The following COL6A3 variants were observed in gnomAD, a reference collection of about 807,000 sequenced individuals.
COL6A3 encodes the protein collagen type VI alpha 3 chain.
COL6A3 carries 137 observed loss-of-function variants against 274.1 expected under a neutral mutation model. The ratio of observed to expected loss-of-function variants is 0.50; its 90% CI spans 0.44 to 0.58. COL6A3 has a LOEUF of 0.58. Among genes scored for constraint, COL6A3 ranks in the 20% least tolerant of loss-of-function variants. COL6A3 has a pLI of 0.00. For synonymous variants in COL6A3, 1,650 were observed against 1,650.6 expected (o/e 1.00, Z 0.01); for missense variants, 3,950 against 4,124.9 (o/e 0.96, Z 1.16).
At chr2:237,377,429 C>G in intron 6 of COL6A3, 85 bp from the exon 7 acceptor site, 1 of 1,373,884 alleles carries the variant, frequency 7.3e-7, no homozygotes, top group East Asian at 2.3e-5. Flanking sequence ...CATTTGACAA[C>G]AGGAGTTGGT....
intron 1 of COL6A3, among the ~76,000 whole-genome samples, chr2:237,399,789 G>A (rs760182202): frequency 5.3e-5 from 8 of 152,188 alleles, no homozygotes; most frequent in Non-Finnish European, 1.2e-4. Flanking sequence ...CCTCCACTGA[G>A]CCCAGATCAC....
intron 1 of COL6A3, among the ~76,000 whole-genome samples, chr2:237,408,161 C>T (rs904376299): frequency 1.3e-5 from 2 of 152,114 alleles, no homozygotes; most frequent in African/African-American, 4.8e-5. Context: ...AAACAGAAAC[C>T]TTTTCAAAAA....
chr2:237,406,604 G>C (rs2078725820), intron 1 of COL6A3, among the ~76,000 whole-genome samples: 1 of 151,320 alleles, frequency 6.6e-6, no homozygotes, highest in African/African-American at 2.4e-5. Flanking sequence ...TAGACTGCAA[G>C]AAGGAGCGCC....
Position 237,378,982 on chromosome 2 carries a change from C to G in COL6A3, c.2151G>C (p.Leu717=), listed in dbSNP as rs757017380. Residue 717 remains leucine, a synonymous_variant, in exon 6 of 44, where the codon CTG becomes CTC. Coordinates refer to ENST00000295550, the MANE Select transcript of COL6A3 (RefSeq NM_004369.4). ...RQLQLQGGSG[L]NTGSALSYVY... is the part of the protein sequence containing the mutation. ...CATAGCTTAGGGCTGAGCCTGTGTT[C>G]AGGCCCGAACCTCCCTGGAGCTGCA... is the stretch of plus-strand genomic sequence containing the variant. 2 of 1,614,180 alleles carry G rather than the reference C, an allele frequency of 1.2e-6. No individual in the cohort carries two copies. Among genetic ancestry groups the G allele is most frequent in the East Asian group, 2.2e-5 (1 of 44,874 alleles).
chr2:237,381,446 G>A lies in COL6A3; in HGVS notation c.1366C>T (p.Leu456=), dbSNP rs1242540495. 6.2e-7 allele frequency: 1 copy of A among 1,610,032 alleles called. No homozygotes were observed. The highest frequency in any genetic ancestry group is 1.7e-5 in the Admixed American group (1 of 60,028). ...ATGGCATTGAAGTTGGCCAGTCCCA[G>A]TGCAGATGAGCCATCCACCAGGAAG... ...IVFLVDGSSA[L]GLANFNAIRD... Residue 456 remains leucine, a synonymous_variant, in exon 5 of 44, where the codon CTG becomes TTG. Coordinates refer to ENST00000295550, the MANE Select transcript of COL6A3 (RefSeq NM_004369.4).
chr2:237,366,568 A>G, intron 11 of COL6A3, 119 bp downstream of exon 11: 1 of 1,490,230 alleles, frequency 6.7e-7, no homozygotes, highest in Non-Finnish European at 9.4e-7. Context: ...GGGTATAAGT[A>G]AATGTATGAA....
intron 1 of COL6A3, among the ~76,000 whole-genome samples, chr2:237,402,549 A>G (rs756851869): frequency 8.5e-5 from 13 of 152,184 alleles, no homozygotes; most frequent in African/African-American, 2.7e-4. Context: ...CTAGGAAAAA[A>G]CAGTACAACT....
At chr2:237,378,525 G>T (rs1231193697) in intron 6 of COL6A3, 111 bp downstream of exon 6, 3 of 1,492,404 alleles carry the variant, frequency 2.0e-6, no homozygotes, top group East Asian at 4.6e-5. Context: ...ATGGAAGGGA[G>T]CCAATTGTCT....
intron 37 of COL6A3, 34 bp downstream of exon 37, chr2:237,342,031 C>T: frequency 6.4e-7 from 1 of 1,567,034 alleles, no homozygotes; most frequent in Non-Finnish European, 8.8e-7. Context: ...GCAATTGCAG[C>T]TGAGCAGATC....
intron 8 of COL6A3, 128 bp from the exon 9 acceptor site, chr2:237,372,465 T>A (rs1478151071): frequency 6.4e-7 from 1 of 1,563,270 alleles, no homozygotes; most frequent in African/African-American, 1.4e-5. Context: ...CTGTTAAAAG[T>A]CCAAGAAGTG....
At chr2:237,363,144 C>CG (rs1491434249) in intron 14 of COL6A3, 109 bp downstream of exon 14, 2 of 131,974 alleles carry the variant, frequency 1.5e-5, no homozygotes, top group Non-Finnish European at 2.2e-5. Context: ...TCTACCAAGG[C>CG]CCCCCCCCCA....
chr2:237,411,985 A>T (rs1461338410), intron 1 of COL6A3, among the ~76,000 whole-genome samples: 1 of 152,020 alleles, frequency 6.6e-6, no homozygotes, highest in Non-Finnish European at 1.5e-5. Flanking sequence ...GCCTCACTTC[A>T]CCCCAACATG....
intron 8 of COL6A3, 71 bp from the exon 9 acceptor site, chr2:237,372,408 C>A (rs1446324340): frequency 4.6e-5 from 73 of 1,599,172 alleles, no homozygotes; most frequent in Non-Finnish European, 6.1e-5. Flanking sequence ...AGCCACCGCC[C>A]AGTTTGTCAT....
At chr2:237,345,021 A>C (rs776090115) in intron 34 of COL6A3, 37 bp downstream of exon 34, 141 of 1,614,094 alleles carry the variant, frequency 8.7e-5, no homozygotes, top group Non-Finnish European at 1.2e-4. Flanking sequence ...GAATGTAAAA[A>C]TATGCATTGT....
chr2:237,353,923 T>TCGCTAAG (rs2077260976), intron 24 of COL6A3, among the ~76,000 whole-genome samples: 2 of 151,378 alleles, frequency 1.3e-5, no homozygotes, highest in Admixed American at 1.3e-4. Context: ...AACCCCAAAA[T>TCGCTAAG]CGCTAAGCCA....
intron 28 of COL6A3, among the ~76,000 whole-genome samples, 170 bp downstream of exon 28, chr2:237,349,977 A>C (rs1053406708): frequency 1.3e-5 from 2 of 152,138 alleles, no homozygotes; most frequent in Non-Finnish European, 2.9e-5. Flanking sequence ...CCAATAAAAT[A>C]AAACTTGTTA....
chr2:237,398,884 T>G (rs1473185851), intron 1 of COL6A3, among the ~76,000 whole-genome samples: 1 of 152,224 alleles, frequency 6.6e-6, no homozygotes, highest in Non-Finnish European at 1.5e-5. Flanking sequence ...AACCGCTGTT[T>G]TGGGTGCCAT....
chr2:237,411,851 A>T (rs1316023063), intron 1 of COL6A3, among the ~76,000 whole-genome samples: 2 of 152,182 alleles, frequency 1.3e-5, no homozygotes, highest in Non-Finnish European at 2.9e-5. Flanking sequence ...GGGGTGGAAC[A>T]CGCTCCCTGC....
Position 237,401,748 on chromosome 2 carries a change from G to A in COL6A3, c.-30-4901C>T, listed in dbSNP as rs373725115. 1.9e-4 allele frequency among the ~76,000 whole-genome samples: 29 copies of A among 151,500 alleles called. 1 individual carries two copies. The highest frequency in any genetic ancestry group is 9.8e-4 in the Admixed American group (15 of 15,232). ...CACCCAGACTGGAGTGCAGTGTCAC[G>A]ATCACAGCTCACTGCAGCCTCAACC... On this transcript the variant is annotated intron_variant, in intron 1 of 43. Transcript: ENST00000295550.
Sources: gnomAD v4.1 joint callset for allele counts (sites outside exome capture counted in the v4.1 genomes callset) on GRCh38, gnomAD v4.1.1 for gene constraint, MANE v1.5 for transcripts, NCBI Gene and HGNC (gene_info 2026-07-23, HGNC 2026-07-21) for gene names.